DNAAF9: variants seen among roughly 807,000 people sequenced by gnomAD.
The protein encoded by DNAAF9 is dynein axonemal assembly factor 9.
Under a neutral mutation model 167.0 loss-of-function variants are expected in DNAAF9, and 90 were observed. That is an observed-to-expected ratio of 0.54 (90% confidence interval 0.45 to 0.64). DNAAF9 has a LOEUF of 0.64. Ranked by LOEUF, DNAAF9 falls within the 30% of genes least tolerant of loss-of-function variation. The pLI is 0.00. For missense variants in DNAAF9, 1,315 were observed against 1,442.2 expected, an observed-to-expected ratio of 0.91 and a Z score of 1.43; for synonymous variants, 491 against 508.8, an observed-to-expected ratio of 0.96 and a Z score of 0.47.
chr20:3,265,483 C>G (rs2068472715), intron 30 of DNAAF9, among the ~76,000 whole-genome samples: 1 of 145,940 alleles, frequency 6.9e-6, no homozygotes, highest in Admixed American at 7.0e-5. Context: ...AGGAGAATCA[C>G]TTGAACCCAG....
chr20:3,307,267 C>T, intron 20 of DNAAF9: 1 of 402,894 alleles, frequency 2.5e-6, no homozygotes, highest in Non-Finnish European at 3.4e-6. Flanking sequence ...TGAGCCAAGG[C>T]AAGGTCTCAG....
At chr20:3,357,054 G>A (rs2083295818) in intron 7 of DNAAF9, among the ~76,000 whole-genome samples, 1 of 152,192 alleles carries the variant, frequency 6.6e-6, no homozygotes, top group African/African-American at 2.4e-5. Flanking sequence ...TTTCCATGCA[G>A]TGAATTCTTT....
At chr20:3,335,095 G>GT (rs1381885636) in intron 10 of DNAAF9, among the ~76,000 whole-genome samples, 1 of 152,142 alleles carries the variant, frequency 6.6e-6, no homozygotes, top group Non-Finnish European at 1.5e-5. Context: ...ACACTGGGTG[G>GT]TTTTTTATTT....
chr20:3,373,781 G>C (rs1382358134), intron 6 of DNAAF9, among the ~76,000 whole-genome samples: 2 of 152,156 alleles, frequency 1.3e-5, no homozygotes, highest in Non-Finnish European at 2.9e-5. Flanking sequence ...GGGGGCTACA[G>C]GAGCAGACAG....
intron 1 of DNAAF9, 26 bp from the exon 2 acceptor site, chr20:3,382,532 C>T (rs1568641021): frequency 6.3e-7 from 1 of 1,599,442 alleles, no homozygotes; most frequent in Non-Finnish European, 8.6e-7. Flanking sequence ...AAAATGGTCC[C>T]CTGAGTGCCA....
intron 23 of DNAAF9, 82 bp downstream of exon 23, chr20:3,296,779 T>C (rs2069087926): frequency 4.7e-6 from 4 of 859,146 alleles, no homozygotes; most frequent in Non-Finnish European, 7.8e-6. Flanking sequence ...ACCCCTGTGT[T>C]ACATAATGCG....
intron 1 of DNAAF9, among the ~76,000 whole-genome samples, chr20:3,395,473 G>T (rs1712417550): frequency 6.6e-6 from 1 of 151,866 alleles, no homozygotes; most frequent in South Asian, 2.1e-4. Context: ...TAAAGACAGG[G>T]TTACACCATG....
At chr20:3,271,016 T>A (rs1270959404) in intron 29 of DNAAF9, among the ~76,000 whole-genome samples, 1 of 152,046 alleles carries the variant, frequency 6.6e-6, no homozygotes, top group Non-Finnish European at 1.5e-5. Flanking sequence ...TTTCACCATG[T>A]TGGCTAGGCT....
intron 1 of DNAAF9, among the ~76,000 whole-genome samples, chr20:3,386,167 C>T (rs758888145): frequency 3.9e-5 from 6 of 152,080 alleles, no homozygotes; most frequent in Non-Finnish European, 7.4e-5. Flanking sequence ...AAAGGAACTA[C>T]AATAGCTTAA....
chr20:3,367,900 C>A (rs1453780768), intron 6 of DNAAF9, among the ~76,000 whole-genome samples: 1 of 142,048 alleles, frequency 7.0e-6, no homozygotes, highest in Non-Finnish European at 1.5e-5. Flanking sequence ...CTGCCACAAA[C>A]CATCAATTTG....
intron 21 of DNAAF9, among the ~76,000 whole-genome samples, chr20:3,301,863 A>C (rs2069195421): frequency 6.6e-6 from 1 of 151,940 alleles, no homozygotes; most frequent in South Asian, 2.1e-4. Flanking sequence ...AAAAATATTA[A>C]CTCATTTGTC....
chr20:3,310,450 C>T (rs904142894), intron 20 of DNAAF9, among the ~76,000 whole-genome samples: 5 of 151,844 alleles, frequency 3.3e-5, no homozygotes, highest in African/African-American at 9.7e-5. Flanking sequence ...TTTGAGAGGC[C>T]GAGGTGGGCA....
At chr20:3,341,809 G>C (rs1291019479) in intron 9 of DNAAF9, among the ~76,000 whole-genome samples, 1 of 152,018 alleles carries the variant, frequency 6.6e-6, no homozygotes, top group African/African-American at 2.4e-5. Flanking sequence ...ACGGAGTCTT[G>C]CTCTGTCGCC....
chr20:3,304,752 CA>C (rs2069259255), intron 20 of DNAAF9, among the ~76,000 whole-genome samples: 1 of 152,168 alleles, frequency 6.6e-6, no homozygotes, highest in Non-Finnish European at 1.5e-5. Flanking sequence ...GCAGTCTTTG[CA>C]TAAGAATTAG....
chr20:3,332,993 A>C (rs189694625), intron 10 of DNAAF9, among the ~76,000 whole-genome samples: 3 of 151,538 alleles, frequency 2.0e-5, no homozygotes, highest in South Asian at 4.2e-4. Context: ...TAGCCCAGGG[A>C]TGCTAGGGCA....
intron 21 of DNAAF9, among the ~76,000 whole-genome samples, chr20:3,303,506 C>T (rs537267000): frequency 6.6e-6 from 1 of 152,238 alleles, no homozygotes; most frequent in Admixed American, 6.5e-5. Context: ...TGCATTCTTT[C>T]TTCCCTGATA....
chr20:3,270,669 T>A lies in DNAAF9; in HGVS notation c.2651-107A>T, dbSNP rs1368811631. 6.6e-6 allele frequency: 6 copies of A among 904,434 alleles called. No homozygotes were observed. The Admixed American group carries it at 7.3e-5, about 11-fold the overall frequency. 56.0% of individuals were successfully genotyped at this position (904,434 alleles called of 1,614,324 possible). A position where few individuals can be genotyped will look rare whatever the true frequency, so the allele number is the denominator to read the frequency against. On this transcript the variant is annotated intron_variant, in intron 29 of 36. Coordinates refer to ENST00000252032, the MANE Select transcript of DNAAF9 (RefSeq NM_001009984.3). ...ATCCCCTAATCATGCCTTCCAGTAG[T>A]CTCCTGATGGAGACAACCCTTACAC... is the stretch of plus-strand genomic sequence containing the variant.
intron 21 of DNAAF9, among the ~76,000 whole-genome samples, chr20:3,300,754 A>T (rs900052646): frequency 6.7e-6 from 1 of 149,780 alleles, no homozygotes; most frequent in Admixed American, 6.7e-5. Flanking sequence ...GAGTTTCACC[A>T]TGTTATCTCA....
intron 10 of DNAAF9, among the ~76,000 whole-genome samples, chr20:3,336,646 T>C (rs998227209): frequency 6.6e-6 from 1 of 151,998 alleles, no homozygotes; most frequent in Admixed American, 6.6e-5. Flanking sequence ...GCCACCCAGG[T>C]TCAAGTGATT....
Sources: gnomAD v4.1 joint callset for allele counts (sites outside exome capture counted in the v4.1 genomes callset) on GRCh38, gnomAD v4.1.1 for gene constraint, MANE v1.5 for transcripts, NCBI Gene and HGNC (gene_info 2026-07-23, HGNC 2026-07-21) for gene names.